Variants in STAG1 observed in about 807,000 individuals in gnomAD.
The protein encoded by STAG1 is STAG1 cohesin complex component.
A neutral mutation model predicts 170.9 loss-of-function variants in STAG1; 26 were observed. That is an observed-to-expected ratio of 0.15 (90% CI 0.11 to 0.21). The LOEUF is 0.21. Ranked by LOEUF, STAG1 falls within the 10% of genes least tolerant of loss-of-function variation. The pLI is 1.00. For synonymous variants in STAG1, 514 were observed against 497.7 expected (o/e 1.03, Z -0.44); for missense variants, 964 against 1,509.5 (o/e 0.64, Z 5.99).
chr3:136,373,769 C>G (rs1170182400), intron 23 of STAG1, among the ~76,000 whole-genome samples: 1 of 152,080 alleles, frequency 6.6e-6, no homozygotes, highest in African/African-American at 2.4e-5. Context: ...TTACTTCCAA[C>G]TATGTGGTCA....
At chr3:136,342,240 C>T (rs1018185745) in intron 30 of STAG1, among the ~76,000 whole-genome samples, 9 of 152,022 alleles carry the variant, frequency 5.9e-5, no homozygotes, top group South Asian at 2.1e-4. Flanking sequence ...AGGATGGTCT[C>T]GATCTCCTGA....
chr3:136,532,489 A>G (rs542450473), intron 6 of STAG1, among the ~76,000 whole-genome samples: 4 of 152,052 alleles, frequency 2.6e-5, no homozygotes, highest in Admixed American at 6.6e-5. Flanking sequence ...TCAGCTGTGA[A>G]TCCTTCTGGG....
At chr3:136,522,860 T>C (rs1038628728) in intron 6 of STAG1, among the ~76,000 whole-genome samples, 1 of 152,038 alleles carries the variant, frequency 6.6e-6, no homozygotes, top group African/African-American at 2.4e-5. Context: ...AGAATGATGG[T>C]TTCCAGCTTC....
chr3:136,593,191 A>C (rs755825828), intron 4 of STAG1, among the ~76,000 whole-genome samples: 1 of 152,196 alleles, frequency 6.6e-6, no homozygotes, highest in African/African-American at 2.4e-5. Flanking sequence ...TTTCAGAAAT[A>C]AGGGATATAA....
chr3:136,698,073 A>T (rs1942951783), intron 1 of STAG1, among the ~76,000 whole-genome samples: 1 of 152,170 alleles, frequency 6.6e-6, no homozygotes, highest in African/African-American at 2.4e-5. Context: ...AAAATTCTAC[A>T]ATATCAGAAA....
intron 1 of STAG1, among the ~76,000 whole-genome samples, chr3:136,707,303 G>C (rs556489393): frequency 6.6e-6 from 1 of 152,294 alleles, no homozygotes; most frequent in African/African-American, 2.4e-5. Flanking sequence ...TACGGGTCCA[G>C]TATCCAGACT....
At chr3:136,608,155 G>A (rs907682506) in intron 3 of STAG1, among the ~76,000 whole-genome samples, 20 of 152,142 alleles carry the variant, frequency 1.3e-4, no homozygotes, top group Middle Eastern at 3.4e-3. Flanking sequence ...TACTCAGGAG[G>A]CTGAGTCGGG....
chr3:136,645,031 G>A (rs1940952789), intron 1 of STAG1, among the ~76,000 whole-genome samples: 1 of 152,068 alleles, frequency 6.6e-6, no homozygotes, highest in Non-Finnish European at 1.5e-5. Context: ...TGCCTGGCCT[G>A]TCATGTACTC....
At chr3:136,607,145 G>C (rs947910875) in intron 3 of STAG1, among the ~76,000 whole-genome samples, 1 of 152,028 alleles carries the variant, frequency 6.6e-6, no homozygotes, top group African/African-American at 2.4e-5. Context: ...GGCTGACATA[G>C]TGTTTTGTCA....
intron 4 of STAG1, among the ~76,000 whole-genome samples, chr3:136,574,128 C>A (rs1351458387): frequency 6.6e-6 from 1 of 151,958 alleles, no homozygotes; most frequent in Non-Finnish European, 1.5e-5. Context: ...ATAGTCCCAG[C>A]TACTCGGGAG....
intron 6 of STAG1, among the ~76,000 whole-genome samples, chr3:136,539,203 T>C (rs1332263774): frequency 6.6e-6 from 1 of 152,174 alleles, no homozygotes; most frequent in African/African-American, 2.4e-5. Context: ...AACTTGGGAC[T>C]GGAGATAATT....
intron 1 of STAG1, among the ~76,000 whole-genome samples, chr3:136,640,409 C>T (rs1940747016): frequency 1.3e-5 from 2 of 150,584 alleles, no homozygotes; most frequent in South Asian, 4.2e-4. Context: ...CGCTCTGTCG[C>T]CCAGGCTGGA....
intron 6 of STAG1, among the ~76,000 whole-genome samples, chr3:136,523,350 G>C (rs1375333349): frequency 6.6e-6 from 1 of 152,044 alleles, no homozygotes; most frequent in Non-Finnish European, 1.5e-5. Context: ...CGTGTCTGTT[G>C]GCTGCATAAA....
intron 13 of STAG1, among the ~76,000 whole-genome samples, chr3:136,452,624 T>C (rs1483277020): frequency 6.6e-6 from 1 of 151,900 alleles, no homozygotes; most frequent in Non-Finnish European, 1.5e-5. Context: ...GATGTCATTA[T>C]AGGTCGGAAA....
intron 13 of STAG1, among the ~76,000 whole-genome samples, chr3:136,459,151 G>C (rs2089202668): frequency 6.6e-6 from 1 of 151,522 alleles, no homozygotes; most frequent in Non-Finnish European, 1.5e-5. Flanking sequence ...CCAGGAGGTG[G>C]AGGTTGCAGT....
At chr3:136,634,072 C>T (rs1474147446) in intron 1 of STAG1, among the ~76,000 whole-genome samples, 2 of 147,790 alleles carry the variant, frequency 1.4e-5, no homozygotes, top group Admixed American at 6.9e-5. Flanking sequence ...ACCCAGGAGG[C>T]GGAGGTTGCA....
chr3:136,658,080 CA>C (rs562445044), intron 1 of STAG1, among the ~76,000 whole-genome samples: 86 of 151,850 alleles, frequency 5.7e-4, no homozygotes, highest in Middle Eastern at 3.4e-3. Context: ...CCCAACACTT[CA>C]GGGGGGGCTG....
chr3:136,347,081 T>TA (rs57595953), intron 29 of STAG1, among the ~76,000 whole-genome samples: 10,822 of 118,056 alleles, frequency 0.092, 460 homozygotes, highest in African/African-American at 0.11. Flanking sequence ...CCTGTCTCAT[T>TA]AAAAAAAAAA....
chr3:136,508,535 A>T (rs2107879134), intron 7 of STAG1, among the ~76,000 whole-genome samples: 1 of 152,232 alleles, frequency 6.6e-6, no homozygotes, highest in East Asian at 1.9e-4. Flanking sequence ...AAAAAATTTA[A>T]AAATTACCTG....
Sources: allele counts gnomAD v4.1 joint callset (sites outside exome capture counted in the v4.1 genomes callset), GRCh38; gene constraint gnomAD v4.1.1; transcripts MANE v1.5; gene names NCBI Gene and HGNC (gene_info 2026-07-23, HGNC 2026-07-21).